Variants in RASGEF1A observed in about 807,000 individuals in gnomAD.
RASGEF1A encodes the protein ras-GEF domain-containing family member 1A.
In RASGEF1A, 18 loss-of-function variants were observed where a neutral mutation model predicts 56.4. That is an observed-to-expected ratio of 0.32 (90% CI 0.22 to 0.47). The LOEUF (loss-of-function observed/expected upper bound fraction) is 0.47. Among genes scored for constraint, RASGEF1A ranks in the 20% least tolerant of loss-of-function variants. RASGEF1A has a pLI of 1.00. For synonymous variants in RASGEF1A, 245 were observed against 242.6 expected (o/e 1.01, Z -0.09); for missense variants, 422 against 627.1 (o/e 0.67, Z 3.49).
At chr10:43,201,739 C>G in intron 4 of RASGEF1A, 69 bp downstream of exon 4, 1 of 1,433,178 alleles carries the variant, frequency 7.0e-7, no homozygotes, top group Admixed American at 2.2e-5. Flanking sequence ...TCCCCGAAGC[C>G]CCCACCCTCC....
chr10:43,225,307 GTGTGTCTGTGTGTC>G (rs1225948546), intron 1 of RASGEF1A, among the ~76,000 whole-genome samples: 1 of 146,414 alleles, frequency 6.8e-6, no homozygotes, highest in Non-Finnish European at 1.5e-5. Context: ...GTGTCTTTGT[GTGTGTCTGTGTGTC>G]TGTGTCTCTG....
At chr10:43,226,372 T>C (rs1480360691) in intron 1 of RASGEF1A, among the ~76,000 whole-genome samples, 3 of 151,774 alleles carry the variant, frequency 2.0e-5, no homozygotes, top group Non-Finnish European at 4.4e-5. Flanking sequence ...ACCCCAGAGG[T>C]GGAGGTTGCA....
At chr10:43,225,684 C>A (rs145308632) in intron 1 of RASGEF1A, among the ~76,000 whole-genome samples, 107 of 152,292 alleles carry the variant, frequency 7.0e-4, no homozygotes, top group Non-Finnish European at 1.2e-3. Context: ...TGCCAACCAG[C>A]TCAGCTACCC....
chr10:43,209,711 G>A (rs1410819152), intron 1 of RASGEF1A, among the ~76,000 whole-genome samples: 5 of 152,182 alleles, frequency 3.3e-5, no homozygotes, highest in Admixed American at 3.3e-4. Flanking sequence ...GCAGAGATAG[G>A]GCTGTGGCGG....
chr10:43,248,590 G>C (rs756455383), intron 1 of RASGEF1A, among the ~76,000 whole-genome samples: 10 of 152,156 alleles, frequency 6.6e-5, no homozygotes, highest in African/African-American at 2.4e-4. Flanking sequence ...GGTGAGAATG[G>C]TCTCACTGCA....
intron 1 of RASGEF1A, among the ~76,000 whole-genome samples, chr10:43,228,842 A>G (rs1368627979): frequency 6.6e-6 from 1 of 152,232 alleles, no homozygotes; most frequent in Non-Finnish European, 1.5e-5. Flanking sequence ...CAGTGCCTGC[A>G]CACAGCAGGG....
At chr10:43,205,234 T>C (rs148889510) in intron 2 of RASGEF1A, among the ~76,000 whole-genome samples, 1 of 152,242 alleles carries the variant, frequency 6.6e-6, no homozygotes, top group Non-Finnish European at 1.5e-5. Context: ...AGAGGGTAGA[T>C]GCTCAGCTCA....
rs1839944128 is a variant in RASGEF1A, at chr10:43,203,505, G to C, written c.199-85C>G. On this transcript the variant is annotated intron_variant, in intron 2 of 12. Coordinates refer to ENST00000395810, the MANE Select transcript of RASGEF1A (RefSeq NM_145313.4). ...CCGCGCTGCTTCACCTGGCCCGGCTGCCTCCCAGGCCCAGCACCGCCGGTC... is the reference window on the plus strand; with the variant it reads ...CCGCGCTGCTTCACCTGGCCCGGCTCCCTCCCAGGCCCAGCACCGCCGGTC... The C allele has an allele frequency of 6.9e-6, 10 of 1,441,520 alleles. No homozygotes were observed. In the South Asian group the frequency reaches 1.3e-4, roughly 19 times the overall value. The allele number at this position is 1,441,520 out of a possible 1,614,324, so 89.3% of individuals were successfully genotyped here. A position where few individuals can be genotyped will look rare whatever the true frequency, so the allele number is the denominator to read the frequency against.
At position 43,198,940 on chromosome 10, in the gene RASGEF1A, A is replaced by G. The variant is rs764718555; in HGVS notation, c.1025T>C (p.Val342Ala). Reference protein sequence around the residue: ...WSKVKTAKFDVLEHHMDPSSN... With the variant: ...WSKVKTAKFDALEHHMDPSSN... ...CGGGGCTCAGGTGCCTACCTCCAAG[A>G]CATCAAACTTGGCTGTCTTGACCTT... The change falls in exon 9 of 13, where the codon GTC (valine) becomes GCC (alanine). Residue 342 changes from valine (V) to alanine (A), a missense_variant. Physicochemically the swap from Val to Ala is moderately conservative, Grantham distance 64 (BLOSUM62 0). Around this residue, in one of 2 missense-constraint regions of RASGEF1A, gnomAD observed 149 missense variants for 287.2 expected, o/e 0.52. Transcript: ENST00000395810. 1 of 1,613,150 alleles carries G rather than the reference A, an allele frequency of 6.2e-7. No homozygotes were observed. Among genetic ancestry groups the G allele is most frequent in the Non-Finnish European group, 8.5e-7 (1 of 1,179,808 alleles).
Position 43,196,506 on chromosome 10 carries a change from T to G in RASGEF1A, c.1391A>C (p.His464Pro), listed in dbSNP as rs200708795. Residue 464 changes from histidine (H) to proline (P), a missense_variant, in exon 12 of 13, where the codon CAC becomes CCC. By Grantham distance (77) the His-to-Pro change is moderately conservative. Around this residue, in one of 2 missense-constraint regions of RASGEF1A, gnomAD observed 149 missense variants for 287.2 expected, o/e 0.52. Transcript: ENST00000395810. This position sits in a 1 kb window ranked among gnomAD's most constrained non-coding sequence, Gnocchi z 4.6. ...ASFESEGPEN[H>P]MEKDSWKTLR... is the part of the protein sequence containing the mutation. ...GGTCTTCCAGCTGTCTTTTTCCATG[T>G]GGTTCTCGGGACCCTCACTTTCAAA... The G allele has an allele frequency of 1.0e-4, 165 of 1,614,050 alleles. No individual in the cohort carries two copies. In the South Asian group the frequency reaches 1.8e-3, roughly 17 times the overall value.
At chr10:43,207,129 G>T in intron 1 of RASGEF1A, 1 of 985,452 alleles carries the variant, frequency 1.0e-6, no homozygotes, top group African/African-American at 1.7e-5. Context: ...CCAGCCTGAG[G>T]GCCAGAGGTG....
intron 1 of RASGEF1A, among the ~76,000 whole-genome samples, chr10:43,211,412 G>A (rs893143128): frequency 1.8e-4 from 27 of 152,324 alleles, no homozygotes; most frequent in African/African-American, 6.3e-4. Context: ...GAGGCCTGGA[G>A]TGGAGGCTGC....
chr10:43,246,118 G>A (rs182807246), intron 1 of RASGEF1A, among the ~76,000 whole-genome samples: 1 of 152,100 alleles, frequency 6.6e-6, no homozygotes, highest in East Asian at 1.9e-4. Context: ...AATTCTATAT[G>A]GTAGTAATGA....
At chr10:43,234,666 G>A (rs1840409092) in intron 1 of RASGEF1A, among the ~76,000 whole-genome samples, 1 of 152,184 alleles carries the variant, frequency 6.6e-6, no homozygotes, top group Non-Finnish European at 1.5e-5. Flanking sequence ...CTCATTACTG[G>A]GCCACACCAC....
intron 1 of RASGEF1A, among the ~76,000 whole-genome samples, chr10:43,252,936 A>C (rs149485421): frequency 9.2e-5 from 14 of 152,084 alleles, no homozygotes; most frequent in Admixed American, 2.0e-4. Flanking sequence ...GGAACCCACA[A>C]TCTGCTGCCA....
chr10:43,243,854 G>A (rs923506406), intron 1 of RASGEF1A, among the ~76,000 whole-genome samples: 59 of 152,308 alleles, frequency 3.9e-4, no homozygotes, highest in Middle Eastern at 3.4e-3. Flanking sequence ...CTGCCAGGCC[G>A]CCCCGTCTGG....
At chr10:43,206,151 A>T in intron 1 of RASGEF1A, 29 bp from the exon 2 acceptor site, 1 of 1,532,100 alleles carries the variant, frequency 6.5e-7, no homozygotes. Flanking sequence ...GACATGAGGC[A>T]TCAAAGGCGC....
At chr10:43,203,597 C>T in intron 2 of RASGEF1A, 177 bp from the exon 3 acceptor site, 1 of 1,243,870 alleles carries the variant, frequency 8.0e-7, no homozygotes, top group Non-Finnish European at 1.1e-6. Context: ...TTACTGCTAC[C>T]CCGGCCCTGC....
chr10:43,227,131 CCTT>C (rs1840290413), intron 1 of RASGEF1A, among the ~76,000 whole-genome samples: 1 of 152,206 alleles, frequency 6.6e-6, no homozygotes. Flanking sequence ...AGTTTGGTCT[CCTT>C]CCTCTGGTCA....
Sources: gnomAD v4.1 joint callset for allele counts (sites outside exome capture counted in the v4.1 genomes callset) on GRCh38, gnomAD v4.1.1 for gene constraint, gnomAD v4.1.1 regional missense constraint, Gnocchi (gnomAD v3.1) non-coding constraint, MANE v1.5 for transcripts, NCBI Gene and HGNC (gene_info 2026-07-23, HGNC 2026-07-21) for gene names.